CSMD1: variants seen among roughly 807,000 people sequenced by gnomAD.
CSMD1 encodes the protein CUB and Sushi multiple domains 1, also known as CUB and sushi domain-containing protein 1.
Under a neutral mutation model 417.5 loss-of-function variants are expected in CSMD1, and 213 were observed. The observed-to-expected ratio is 0.51, with a 90% CI of 0.46 to 0.57. CSMD1 has a LOEUF of 0.57. CSMD1 is among the 20% of genes least tolerant of loss of function. The probability of loss-of-function intolerance (pLI) is 0.00; values close to 1 mark genes in which losing one functional copy is unlikely to be tolerated. For synonymous variants in CSMD1, 2,862 were observed against 1,736.8 expected (o/e 1.65, Z -16.11); for missense variants, 6,923 against 4,529.7 (o/e 1.53, Z -15.17).
intron 1 of CSMD1, among the ~76,000 whole-genome samples, chr8:4,830,829 G>T (rs1585175335): frequency 6.6e-6 from 1 of 152,122 alleles, no homozygotes; most frequent in Non-Finnish European, 1.5e-5. Flanking sequence ...AGCAGGGAAA[G>T]AAAGAGAAAT....
intron 5 of CSMD1, among the ~76,000 whole-genome samples, chr8:3,972,281 A>G (rs2627448): frequency 0.83 from 126,473 of 152,190 alleles, 53,006 homozygotes; most frequent in East Asian, 0.96. Flanking sequence ...TATAAGTACT[A>G]GATACATAAG....
rs182840365 is a variant in CSMD1 at position 3,347,912 on chromosome 8, T to C, written c.3474+80A>G. The C allele has an allele frequency of 2.2e-3, 1,979 of 901,858 alleles. 11 individuals are homozygous for C. The highest frequency in any genetic ancestry group is 1.7e-3 in the Non-Finnish European group (1,043 of 603,098). 55.9% of individuals were successfully genotyped at this position (901,858 alleles called of 1,614,324 possible). On this transcript the variant is annotated intron_variant, in intron 22 of 69. Transcript: ENST00000635120. ...ATATATGTTAATATGTGCATATATC[T>C]ATATGTAGAAAAATAGATAGACAAT... is the stretch of plus-strand genomic sequence containing the variant.
intron 1 of CSMD1, among the ~76,000 whole-genome samples, chr8:4,677,348 C>T (rs2130965212): frequency 6.6e-6 from 1 of 151,932 alleles, no homozygotes. Flanking sequence ...ACATGTGCTA[C>T]CTATTTATTT....
intron 20 of CSMD1, among the ~76,000 whole-genome samples, chr8:3,362,048 G>T (rs1225203994): frequency 6.6e-6 from 1 of 151,980 alleles, no homozygotes; most frequent in Non-Finnish European, 1.5e-5. Flanking sequence ...CAAAGATTTT[G>T]TTCTTGGAGT....
intron 3 of CSMD1, among the ~76,000 whole-genome samples, chr8:4,117,010 C>T (rs1802192730): frequency 6.6e-6 from 1 of 151,854 alleles, no homozygotes; most frequent in South Asian, 2.1e-4. Context: ...TGGCCTGACG[C>T]TTAACCTTTT....
chr8:3,296,695 G>T (rs772524907), intron 25 of CSMD1, among the ~76,000 whole-genome samples: 1 of 152,162 alleles, frequency 6.6e-6, no homozygotes, highest in Non-Finnish European at 1.5e-5. Context: ...TGAAGGGAGA[G>T]AAAACAGGCT....
chr8:3,867,416 T>C (rs938261249), intron 5 of CSMD1, among the ~76,000 whole-genome samples: 2 of 152,136 alleles, frequency 1.3e-5, no homozygotes, highest in Non-Finnish European at 2.9e-5. Context: ...GGATACTTAC[T>C]CAGGAGTATT....
chr8:4,466,510 T>C (rs1320578467), intron 2 of CSMD1, among the ~76,000 whole-genome samples: 1 of 152,138 alleles, frequency 6.6e-6, no homozygotes, highest in East Asian at 1.9e-4. Context: ...AAGTTTATTG[T>C]TTAGAAGGCA....
At chr8:4,104,517 C>T (rs565449948) in intron 3 of CSMD1, among the ~76,000 whole-genome samples, 184 of 152,254 alleles carry the variant, frequency 1.2e-3, no homozygotes, top group Non-Finnish European at 1.3e-3. Context: ...TGAGGCCCCA[C>T]CCTCCCACAC....
At chr8:4,856,157 C>G (rs933934368) in intron 1 of CSMD1, among the ~76,000 whole-genome samples, 6 of 149,274 alleles carry the variant, frequency 4.0e-5, no homozygotes, top group Non-Finnish European at 7.4e-5. Context: ...TCATATCCAG[C>G]CAAACTAAGC....
chr8:3,229,388 C>A (rs759171077), intron 27 of CSMD1, among the ~76,000 whole-genome samples: 5 of 152,166 alleles, frequency 3.3e-5, no homozygotes, highest in African/African-American at 9.6e-5. Context: ...AATGAAGAGA[C>A]AATCTACCTG....
rs1810859101 is a variant in CSMD1 at position 3,941,198 on chromosome 8, G to A, written c.818+56705C>T. 2.0e-5 allele frequency among the ~76,000 whole-genome samples: 3 copies of A among 152,148 alleles called. No homozygotes were observed. The South Asian group carries it at 6.2e-4, about 32-fold the overall frequency. On this transcript the variant is annotated intron_variant, in intron 5 of 69. Coordinates refer to ENST00000635120, the MANE Select transcript of CSMD1 (RefSeq NM_033225.6). The stretch of plus-strand genomic sequence containing the variant: ...CAGAATATTCAGTAAAATTTAAATT[G>A]TGCTAGAGAACAATTCAAAAGTTCC...
intron 1 of CSMD1, among the ~76,000 whole-genome samples, chr8:4,915,585 A>G (rs985347162): frequency 6.6e-6 from 1 of 152,202 alleles, no homozygotes; most frequent in Non-Finnish European, 1.5e-5. Context: ...AGGAGCAGGG[A>G]CAGCTGGGGG....
chr8:4,917,388 A>G lies in CSMD1; in HGVS notation c.85+76944T>C, dbSNP rs112217313. On this transcript the variant is annotated intron_variant, in intron 1 of 69. Transcript: ENST00000635120. ...GGCGGCTCACGCCTGTAACCCCAGC[A>G]CTTTGGGAGGCCAAGGTGGGCAGAC... is the stretch of plus-strand genomic sequence containing the variant. Among the ~76,000 whole-genome samples, 677 of 152,306 alleles carry G rather than the reference A, an allele frequency of 4.4e-3. 4 individuals carry two copies. The highest frequency in any genetic ancestry group is 5.2e-3 in the Non-Finnish European group (354 of 68,020).
chr8:4,788,689 C>G lies in CSMD1; in HGVS notation c.86-151131G>C, dbSNP rs985475953. ...AAAGGTAATTATAAATTAGAGAACA[C>G]AAATAAAATGTATTAGTGAATCAAT... On this transcript the variant is annotated intron_variant, in intron 1 of 69. Coordinates refer to ENST00000635120, the MANE Select transcript of CSMD1 (RefSeq NM_033225.6). The G allele has an allele frequency of 1.5e-5, 8 of 545,402 alleles. No individual in the cohort carries two copies. The Admixed American group carries it at 1.7e-4, about 11-fold the overall frequency. 33.8% of individuals were successfully genotyped at this position (545,402 alleles called of 1,614,324 possible).
At chr8:4,553,199 G>A (rs912040254) in intron 2 of CSMD1, among the ~76,000 whole-genome samples, 1 of 152,130 alleles carries the variant, frequency 6.6e-6, no homozygotes, top group South Asian at 2.1e-4. Flanking sequence ...TGTTTCACAT[G>A]TGTGTCTGTG....
intron 10 of CSMD1, among the ~76,000 whole-genome samples, chr8:3,558,564 C>A (rs1049723344): frequency 6.8e-6 from 1 of 147,102 alleles, no homozygotes; most frequent in Admixed American, 6.7e-5. Flanking sequence ...ACCCCGTGTC[C>A]ACTCCTGCAA....
intron 10 of CSMD1, among the ~76,000 whole-genome samples, chr8:3,520,047 T>A (rs1323565556): frequency 6.7e-6 from 1 of 148,788 alleles, no homozygotes; most frequent in Non-Finnish European, 1.5e-5. Flanking sequence ...TATACACGTA[T>A]AGTTGTGAAA....
chr8:3,840,744 G>T (rs1490502908), intron 5 of CSMD1, among the ~76,000 whole-genome samples: 3 of 144,050 alleles, frequency 2.1e-5, no homozygotes, highest in Non-Finnish European at 4.5e-5. Flanking sequence ...CGTGTAGGCT[G>T]GAGTTCAGTG....
Sources: allele counts gnomAD v4.1 joint callset (sites outside exome capture counted in the v4.1 genomes callset), GRCh38; gene constraint gnomAD v4.1.1; transcripts MANE v1.5; gene names NCBI Gene and HGNC (gene_info 2026-07-23, HGNC 2026-07-21).